The following HSD17B2 variants were observed in gnomAD, a reference collection of about 807,000 sequenced individuals.
The protein encoded by HSD17B2 is 17-beta-hydroxysteroid dehydrogenase type 2.
HSD17B2 carries 32 observed loss-of-function variants against 26.9 expected under a neutral mutation model. That is an observed-to-expected ratio of 1.19 (90% confidence interval 0.90 to 1.60). HSD17B2 has a LOEUF of 1.60. Ranked by LOEUF, HSD17B2 falls within the 40% of genes most tolerant of loss-of-function variation. HSD17B2 has a pLI of 0.00. For missense variants in HSD17B2, 613 were observed against 468.6 expected, an observed-to-expected ratio of 1.31 and a Z score of -2.85; for synonymous variants, 246 against 186.7, an observed-to-expected ratio of 1.32 and a Z score of -2.59.
At chr16:82,049,158 C>G (rs189584715) in intron 1 of HSD17B2, among the ~76,000 whole-genome samples, 1 of 152,214 alleles carries the variant, frequency 6.6e-6, no homozygotes, top group Admixed American at 6.5e-5. Flanking sequence ...TTGTTCTTTA[C>G]TGGGAGCAAT....
At chr16:82,062,493 C>G (rs531552251) in intron 1 of HSD17B2, among the ~76,000 whole-genome samples, 40 of 152,356 alleles carry the variant, frequency 2.6e-4, no homozygotes, top group Admixed American at 9.8e-4. Context: ...CCACTATGGG[C>G]TAAGCCTTGT....
At chr16:82,064,872 A>G (rs770266221) in intron 1 of HSD17B2, among the ~76,000 whole-genome samples, 10 of 152,188 alleles carry the variant, frequency 6.6e-5, no homozygotes, top group Non-Finnish European at 8.8e-5. Context: ...CTCCATGTGC[A>G]TGAAGGAAGA....
intron 1 of HSD17B2, among the ~76,000 whole-genome samples, chr16:82,066,645 T>TTTTA (rs1914579280): frequency 6.6e-6 from 1 of 152,124 alleles, no homozygotes; most frequent in Non-Finnish European, 1.5e-5. Flanking sequence ...CCAAATTCTT[T>TTTTA]TTTATTTTAT....
At chr16:82,046,206 C>G (rs1204177575) in intron 1 of HSD17B2, among the ~76,000 whole-genome samples, 1 of 152,008 alleles carries the variant, frequency 6.6e-6, no homozygotes, top group Admixed American at 6.6e-5. Context: ...TAAGGCCCTG[C>G]CTCATGAAGC....
Position 82,070,168 on chromosome 16 carries a change from G to A in HSD17B2, c.479-774G>A, listed in dbSNP as rs115421388. 5.1e-3 allele frequency among the ~76,000 whole-genome samples: 778 copies of A among 152,058 alleles called. 8 individuals carry two copies. The highest frequency in any genetic ancestry group is 0.018 in the African/African-American group (742 of 41,472). On this transcript the variant is annotated intron_variant, in intron 2 of 4. Transcript: ENST00000199936. ...TCCCCCTGCTGCCATTCTGCAAATC[G>A]GTTTGCTCTCCTGCATCCCACAGCT... is the stretch of plus-strand genomic sequence containing the variant.
chr16:82,041,907 C>A (rs1160866504), intron 1 of HSD17B2, among the ~76,000 whole-genome samples: 1 of 152,052 alleles, frequency 6.6e-6, no homozygotes, highest in African/African-American at 2.4e-5. Flanking sequence ...ACTCATATTT[C>A]CAGAATTTTA....
At chr16:82,082,924 C>T (rs1567590996) in intron 3 of HSD17B2, among the ~76,000 whole-genome samples, 1 of 152,156 alleles carries the variant, frequency 6.6e-6, no homozygotes, top group Non-Finnish European at 1.5e-5. Context: ...AGAACTTGAA[C>T]TTGAACTTTA....
rs1904331394 is a variant in HSD17B2, at chr16:82,079,692, C to T, written c.664+8565C>T. Among the ~76,000 whole-genome samples the T allele has an allele frequency of 2.6e-5, 4 of 152,136 alleles. No individual in the cohort carries two copies. In the South Asian group the frequency reaches 6.2e-4, roughly 24 times the overall value. ...ACAGTGAGGGGCTCTCTAGCACTTA[C>T]TGGAGAGTTTTGTGAAACAATAGAA... On this transcript the variant is annotated intron_variant, in intron 3 of 4. Coordinates refer to ENST00000199936, the MANE Select transcript of HSD17B2 (RefSeq NM_002153.3).
intron 1 of HSD17B2, among the ~76,000 whole-genome samples, chr16:82,049,385 G>A (rs1041421445): frequency 2.6e-5 from 4 of 152,170 alleles, no homozygotes; most frequent in African/African-American, 9.7e-5. Context: ...CCTAGATGAC[G>A]GGTCATGTCA....
intron 1 of HSD17B2, among the ~76,000 whole-genome samples, chr16:82,040,843 T>C (rs1402282959): frequency 1.3e-5 from 2 of 152,100 alleles, no homozygotes; most frequent in African/African-American, 2.4e-5. Context: ...AAATTGGAAA[T>C]AATGAAATAG....
intron 1 of HSD17B2, among the ~76,000 whole-genome samples, chr16:82,060,180 T>C (rs1335430168): frequency 1.3e-5 from 2 of 152,214 alleles, no homozygotes; most frequent in African/African-American, 4.8e-5. Context: ...ATCTGATGGA[T>C]TGCCTAAGTC....
chr16:82,094,353 C>A (rs1904777493), intron 4 of HSD17B2: 1 of 152,196 alleles, frequency 6.6e-6, no homozygotes, highest in Non-Finnish European at 1.5e-5. Flanking sequence ...CCAATTTATA[C>A]CTCTACCCTT....
chr16:82,045,272 G>C (rs571948160), intron 1 of HSD17B2, among the ~76,000 whole-genome samples: 53 of 152,276 alleles, frequency 3.5e-4, no homozygotes, highest in African/African-American at 1.2e-3. Context: ...GCACTGGGCT[G>C]TTTACCCCCA....
rs1261725016 is a variant in HSD17B2 at position 82,098,230 on chromosome 16, C to G, written c.958C>G (p.Pro320Ala). 6.2e-7 allele frequency: 1 copy of G among 1,614,220 alleles called. No individual in the cohort carries two copies. The highest frequency in any genetic ancestry group is 8.5e-7 in the Non-Finnish European group (1 of 1,180,018). Residue 320 changes from proline to alanine, a missense_variant, in exon 5 of 5, where the codon CCG (proline) becomes GCG (alanine). Transcript: ENST00000199936. ...INSLASKDFS[P>A]VLRDIQHAIL... ...CTCGTTAGCCAGCAAGGACTTCTCTCCGGTGCTGCGGGACATCCAGCATGC... is the reference window on the plus strand; with the variant it reads ...CTCGTTAGCCAGCAAGGACTTCTCTGCGGTGCTGCGGGACATCCAGCATGC...
intron 3 of HSD17B2, among the ~76,000 whole-genome samples, chr16:82,082,752 A>G (rs1392585228): frequency 2.0e-5 from 3 of 152,198 alleles, no homozygotes; most frequent in Non-Finnish European, 4.4e-5. Context: ...TATAGTAGAC[A>G]CCTAATAAAC....
At position 82,071,123 on chromosome 16, in the gene HSD17B2, G is replaced by C; in HGVS notation, c.660G>C (p.Met220Ile). ...SKGRLVNVSS[M>I]GGGAPMERLA... is the part of the protein sequence containing the mutation. ...GGAGGCTGGTGAATGTCAGCAGCATGGGAGGTGAGTCAGCATTTTCACACA... is the reference window on the plus strand; with the variant it reads ...GGAGGCTGGTGAATGTCAGCAGCATCGGAGGTGAGTCAGCATTTTCACACA... The change falls in exon 3 of 5, where the codon ATG (methionine) becomes ATC (isoleucine). Residue 220 changes from methionine (M) to isoleucine (I), a missense_variant. Met to Ile is a conservative substitution (Grantham distance 10, BLOSUM62 1). Coordinates refer to ENST00000199936, the MANE Select transcript of HSD17B2 (RefSeq NM_002153.3). 6.2e-7 allele frequency: 1 copy of C among 1,614,082 alleles called. No homozygotes were observed. The highest frequency in any genetic ancestry group is 8.5e-7 in the Non-Finnish European group (1 of 1,179,926).
chr16:82,054,272 C>T (rs142062567), intron 1 of HSD17B2, among the ~76,000 whole-genome samples: 110 of 151,100 alleles, frequency 7.3e-4, no homozygotes, highest in Middle Eastern at 3.5e-3. Flanking sequence ...GAAAGTAATA[C>T]GCTTTCCAGA....
chr16:82,075,182 G>C (rs1904294883), intron 3 of HSD17B2, among the ~76,000 whole-genome samples: 1 of 152,008 alleles, frequency 6.6e-6, no homozygotes, highest in African/African-American at 2.4e-5. Context: ...AAAACCCATG[G>C]GATGTGGTGA....
intron 1 of HSD17B2, among the ~76,000 whole-genome samples, chr16:82,061,482 G>C (rs139860178): frequency 6.6e-6 from 1 of 152,298 alleles, no homozygotes; most frequent in Admixed American, 6.5e-5. Context: ...GCTGGGATTT[G>C]AACCCAGGTC....
Sources: allele counts gnomAD v4.1 joint callset (sites outside exome capture counted in the v4.1 genomes callset), GRCh38; gene constraint gnomAD v4.1.1; transcripts MANE v1.5; gene names NCBI Gene and HGNC (gene_info 2026-07-23, HGNC 2026-07-21).